Variants in PCDH9 observed in about 807,000 individuals in gnomAD.
PCDH9 encodes protocadherin 9.
Under a neutral mutation model 70.6 loss-of-function variants are expected in PCDH9, and 24 were observed. The ratio of observed to expected loss-of-function variants is 0.34; its 90% CI spans 0.25 to 0.48. The LOEUF (loss-of-function observed/expected upper bound fraction) is 0.48. PCDH9 is among the 20% of genes least tolerant of loss of function. The pLI is 0.99. For synonymous variants in PCDH9, 562 were observed against 558.5 expected (o/e 1.01, Z -0.09); for missense variants, 1,281 against 1,503.6 (o/e 0.85, Z 2.45).
intron 3 of PCDH9, among the ~76,000 whole-genome samples, chr13:66,730,895 C>CT (rs1555262880): frequency 1.3e-4 from 10 of 78,756 alleles, no homozygotes; most frequent in African/African-American, 4.5e-4. Flanking sequence ...TTGTTTGTTT[C>CT]TTTTTTTTTG....
intron 4 of PCDH9, among the ~76,000 whole-genome samples, chr13:66,388,441 T>A (rs1956966848): frequency 6.6e-6 from 1 of 152,164 alleles, no homozygotes; most frequent in Non-Finnish European, 1.5e-5. Flanking sequence ...ACCAAGATTT[T>A]TTTCCTTCTA....
At chr13:66,729,465 T>C (rs2079044973) in intron 3 of PCDH9, among the ~76,000 whole-genome samples, 1 of 152,166 alleles carries the variant, frequency 6.6e-6, no homozygotes, top group African/African-American at 2.4e-5. Context: ...TGTAAATCGA[T>C]TTGTTTTACT....
intron 3 of PCDH9, among the ~76,000 whole-genome samples, chr13:66,841,711 T>A (rs2081119603): frequency 6.6e-6 from 1 of 152,194 alleles, no homozygotes; most frequent in Non-Finnish European, 1.5e-5. Context: ...AAATTATTAT[T>A]TTGACAAATG....
At chr13:66,565,796 T>C (rs2076644153) in intron 4 of PCDH9, among the ~76,000 whole-genome samples, 2 of 152,174 alleles carry the variant, frequency 1.3e-5, no homozygotes, top group South Asian at 2.1e-4. Context: ...ACAACATTGG[T>C]CTGTTAGGAT....
rs564035744 is a variant in PCDH9 at position 66,925,569 on chromosome 13, A to C, written c.3037-21964T>G. Among the ~76,000 whole-genome samples, 19 of 151,970 alleles carry C rather than the reference A, an allele frequency of 1.3e-4. No individual in the cohort carries two copies. The East Asian group carries it at 2.1e-3, about 17-fold the overall frequency. ...TTCAAGGCTGACATATGTAGTCTTC[A>C]CTTTTTATTTCTTGATCCTCTATTT... On this transcript the variant is annotated intron_variant, in intron 2 of 4. Coordinates refer to ENST00000377865, the MANE Select transcript of PCDH9 (RefSeq NM_203487.3).
At chr13:66,918,764 C>A (rs2082595816) in intron 2 of PCDH9, among the ~76,000 whole-genome samples, 1 of 151,144 alleles carries the variant, frequency 6.6e-6, no homozygotes, top group Non-Finnish European at 1.5e-5. Flanking sequence ...TTTATTACTT[C>A]TTTTGTAAAA....
At chr13:66,794,768 T>C (rs888053348) in intron 3 of PCDH9, among the ~76,000 whole-genome samples, 1 of 152,176 alleles carries the variant, frequency 6.6e-6, no homozygotes, top group Non-Finnish European at 1.5e-5. Flanking sequence ...AAGTTCTTGA[T>C]GTAGCAGTGA....
intron 4 of PCDH9, among the ~76,000 whole-genome samples, chr13:66,429,523 G>A (rs1161519395): frequency 4.6e-5 from 7 of 150,538 alleles, no homozygotes; most frequent in Non-Finnish European, 1.0e-4. Flanking sequence ...GAATAAATAT[G>A]TTAGGAAATG....
chr13:67,193,401 C>T (rs1045420373), intron 2 of PCDH9, among the ~76,000 whole-genome samples: 1 of 151,884 alleles, frequency 6.6e-6, no homozygotes, highest in East Asian at 1.9e-4. Flanking sequence ...TGGCACTCTT[C>T]CCTTGTAACA....
chr13:66,569,884 G>T (rs889856862), intron 4 of PCDH9, among the ~76,000 whole-genome samples: 1 of 151,984 alleles, frequency 6.6e-6, no homozygotes, highest in African/African-American at 2.4e-5. Flanking sequence ...TGCAATTGTC[G>T]TATGATTCCA....
At chr13:66,856,404 T>C (rs1225520780) in intron 3 of PCDH9, among the ~76,000 whole-genome samples, 1 of 152,034 alleles carries the variant, frequency 6.6e-6, no homozygotes, top group Non-Finnish European at 1.5e-5. Flanking sequence ...AAAGTAATAA[T>C]TAGTTTCTCT....
intron 3 of PCDH9, among the ~76,000 whole-genome samples, chr13:66,685,763 A>G (rs2078392576): frequency 6.6e-6 from 1 of 152,242 alleles, no homozygotes; most frequent in Non-Finnish European, 1.5e-5. Flanking sequence ...TGTATGTGAG[A>G]CATGGAGTCT....
At chr13:66,979,007 A>G (rs2083682374) in intron 2 of PCDH9, among the ~76,000 whole-genome samples, 1 of 152,016 alleles carries the variant, frequency 6.6e-6, no homozygotes, top group Non-Finnish European at 1.5e-5. Context: ...TTTTATTTAT[A>G]AGGAACAACA....
intron 4 of PCDH9, among the ~76,000 whole-genome samples, chr13:66,429,456 C>T (rs1478160706): frequency 1.4e-5 from 2 of 147,148 alleles, no homozygotes; most frequent in African/African-American, 2.5e-5. Context: ...ATTTTGCACC[C>T]ACAGTGGGTA....
intron 3 of PCDH9, among the ~76,000 whole-genome samples, chr13:66,717,452 A>C: frequency 1.9e-5 from 1 of 52,598 alleles, no homozygotes; most frequent in African/African-American, 9.1e-5. Flanking sequence ...ACTCTGTCTC[A>C]AAAAAAAAAA....
At chr13:67,058,716 G>A (rs1387458868) in intron 2 of PCDH9, among the ~76,000 whole-genome samples, 1 of 152,014 alleles carries the variant, frequency 6.6e-6, no homozygotes, top group Non-Finnish European at 1.5e-5. Context: ...TCTCAAACAG[G>A]TACAAGTAAT....
At chr13:67,015,071 A>C (rs1396274254) in intron 2 of PCDH9, among the ~76,000 whole-genome samples, 35 of 152,168 alleles carry the variant, frequency 2.3e-4, no homozygotes, top group Admixed American at 2.2e-3. Flanking sequence ...AGGATACTCC[A>C]TATTTGTAAC....
chr13:66,554,036 T>C (rs1456367935), intron 4 of PCDH9, among the ~76,000 whole-genome samples: 2 of 152,146 alleles, frequency 1.3e-5, no homozygotes, highest in Non-Finnish European at 2.9e-5. Flanking sequence ...CAGAGATGCA[T>C]AAATGATGTC....
At chr13:66,854,552 T>C (rs1293341066) in intron 3 of PCDH9, among the ~76,000 whole-genome samples, 5 of 152,158 alleles carry the variant, frequency 3.3e-5, no homozygotes, top group African/African-American at 1.2e-4. Context: ...CCAGCTGAGG[T>C]TGAACAAGGC....
Sources: allele counts gnomAD v4.1 joint callset (sites outside exome capture counted in the v4.1 genomes callset), GRCh38; gene constraint gnomAD v4.1.1; transcripts MANE v1.5; gene names NCBI Gene and HGNC (gene_info 2026-07-23, HGNC 2026-07-21).